GCSAML: variants seen among roughly 807,000 people sequenced by gnomAD.
GCSAML encodes the protein germinal center-associated signaling and motility-like protein.
A neutral mutation model predicts 13.0 loss-of-function variants in GCSAML; 9 were observed. The observed-to-expected ratio is 0.69, with a 90% confidence interval of 0.42 to 1.21. The LOEUF (loss-of-function observed/expected upper bound fraction) is 1.21. Among genes scored for constraint, GCSAML ranks in the 50% most tolerant of loss-of-function variants. The pLI is 0.00. For missense variants in GCSAML, 143 were observed against 153.4 expected, an observed-to-expected ratio of 0.93 and a Z score of 0.36; for synonymous variants, 37 against 52.9, an observed-to-expected ratio of 0.70 and a Z score of 1.31.
upstream of GCSAML, among the ~76,000 whole-genome samples, chr1:247,546,515 C>A (rs926337186): frequency 7.2e-5 from 11 of 151,980 alleles, no homozygotes; most frequent in Non-Finnish European, 1.3e-4. Context: ...CCCGCCACCA[C>A]GCCTGGCTCA....
chr1:247,535,595 C>A (rs182710009), intron 2 of GCSAML, among the ~76,000 whole-genome samples: 1 of 152,260 alleles, frequency 6.6e-6, no homozygotes, highest in East Asian at 1.9e-4. Context: ...TGATAACATG[C>A]AGAAAATGTG....
chr1:247,573,998 A>G (rs772704480), intron 4 of GCSAML, 145 bp from the exon 5 acceptor site: 8 of 793,334 alleles, frequency 1.0e-5, no homozygotes, highest in Non-Finnish European at 1.4e-5. Flanking sequence ...CTTGTCTATT[A>G]TTGGTGTACA....
At chr1:247,514,390 T>C (rs927294002) in intron 1 of GCSAML, among the ~76,000 whole-genome samples, 2 of 152,246 alleles carry the variant, frequency 1.3e-5, no homozygotes, top group South Asian at 2.1e-4. Context: ...TTTGGATGTA[T>C]AGATTGTGAA....
intron 2 of GCSAML, 57 bp from the exon 3 acceptor site, chr1:247,563,533 G>A: frequency 2.0e-6 from 2 of 1,009,204 alleles, no homozygotes; most frequent in Non-Finnish European, 3.0e-6. Flanking sequence ...TTTTTGAAAG[G>A]CATTTTCAGC....
In GCSAML at chr1:247,576,699, C is replaced by G. The variant is rs1163516993; in HGVS notation, c.*2317C>G. On this transcript the variant is annotated 3_prime_UTR_variant, in exon 5 of 5. Coordinates refer to ENST00000366488, the MANE Select transcript of GCSAML (RefSeq NM_145278.5). Reference sequence around the variant, plus strand: ...ATACACATTTTGCCTCTCTATTCAACGAATTCTTATGCCCTCTTGTGGTGA... The same window carrying G: ...ATACACATTTTGCCTCTCTATTCAAGGAATTCTTATGCCCTCTTGTGGTGA... 6.6e-6 allele frequency: 1 copy of G among 152,102 alleles called. No homozygotes were observed. The highest frequency in any genetic ancestry group is 1.5e-5 in the Non-Finnish European group (1 of 68,020). 9.4% of individuals were successfully genotyped at this position (152,102 alleles called of 1,614,324 possible).
upstream of GCSAML, among the ~76,000 whole-genome samples, chr1:247,545,701 C>T (rs1667544912): frequency 6.6e-6 from 1 of 152,098 alleles, no homozygotes; most frequent in Non-Finnish European, 1.5e-5. Flanking sequence ...CTATTCAGTA[C>T]CTTTGCCCAT....
intron 2 of GCSAML, among the ~76,000 whole-genome samples, chr1:247,534,455 C>T (rs945629582): frequency 6.6e-6 from 1 of 152,132 alleles, no homozygotes; most frequent in South Asian, 2.1e-4. Flanking sequence ...CTTGGAACTG[C>T]CAGAGTCATG....
At chr1:247,518,180 C>T (rs1016233115) in intron 1 of GCSAML, among the ~76,000 whole-genome samples, 4 of 152,220 alleles carry the variant, frequency 2.6e-5, no homozygotes, top group African/African-American at 9.6e-5. Context: ...CTGGCCTGGC[C>T]GCGCCGGCTC....
At chr1:247,511,570 G>C (rs1245128307) in intron 1 of GCSAML, among the ~76,000 whole-genome samples, 1 of 152,152 alleles carries the variant, frequency 6.6e-6, no homozygotes, top group Non-Finnish European at 1.5e-5. Context: ...GATGCTAGCT[G>C]GTTATTTTGC....
intron 2 of GCSAML, among the ~76,000 whole-genome samples, chr1:247,543,289 C>G (rs1667467007): frequency 1.3e-5 from 2 of 152,200 alleles, no homozygotes; most frequent in African/African-American, 2.4e-5. Context: ...CCCCCCTTAT[C>G]AGTTACCCAC....
intron 1 of GCSAML, among the ~76,000 whole-genome samples, chr1:247,517,836 T>G (rs1666265742): frequency 6.6e-6 from 1 of 152,098 alleles, no homozygotes; most frequent in South Asian, 2.1e-4. Flanking sequence ...TGTGAACCTC[T>G]CTAAATAGGC....
At chr1:247,511,637 C>G (rs1666041346) in intron 1 of GCSAML, among the ~76,000 whole-genome samples, 1 of 152,176 alleles carries the variant, frequency 6.6e-6, no homozygotes, top group African/African-American at 2.4e-5. Flanking sequence ...ATTTCATATG[C>G]TTTTGCAGAG....
chr1:247,547,041 G>T (rs1667610012), upstream of GCSAML, among the ~76,000 whole-genome samples: 2 of 152,002 alleles, frequency 1.3e-5, no homozygotes, highest in Non-Finnish European at 2.9e-5. Flanking sequence ...GGTACAGGCT[G>T]CAGCTGAGCC....
At chr1:247,531,706 T>C in intron 2 of GCSAML, 16 of 1,614,140 alleles carry the variant, frequency 9.9e-6, no homozygotes, top group Non-Finnish European at 1.3e-5. Context: ...GCCCTGCTCA[T>C]GGGAGGTGCT....
chr1:247,521,372 C>CCTCTCA (rs1172809625), intron 1 of GCSAML, among the ~76,000 whole-genome samples: 9 of 151,264 alleles, frequency 5.9e-5, no homozygotes, highest in African/African-American at 2.2e-4. Flanking sequence ...CCACGGTCTC[C>CCTCTCA]CTCTCCCTCT....
At position 247,563,582 on chromosome 1, in the gene GCSAML, C is replaced by T; in HGVS notation, c.90-8C>T. The T allele has an allele frequency of 6.4e-7, 1 of 1,561,552 alleles. No individual in the cohort carries two copies. Among genetic ancestry groups the T allele is most frequent in the Non-Finnish European group, 8.8e-7 (1 of 1,134,662 alleles). ...GAGTATCTCATGTTACTATCTCTTT[C>T]CTTGTAGGCAGGAAATGACTACATT... is the stretch of plus-strand genomic sequence containing the variant. On this transcript the variant is annotated splice_polypyrimidine_tract_variant and splice_region_variant and intron_variant, in intron 2 of 4. Transcript: ENST00000366488.
chr1:247,548,740 A>G (rs1667662473), upstream of GCSAML, among the ~76,000 whole-genome samples: 1 of 152,242 alleles, frequency 6.6e-6, no homozygotes. The surrounding 1 kb of genome is among the most constrained non-coding windows in gnomAD (Gnocchi z 5.3). Context: ...ATCCAGATTA[A>G]TCACTTTTAT....
At chr1:247,563,313 G>A (rs895586926) in intron 2 of GCSAML, among the ~76,000 whole-genome samples, 2 of 152,082 alleles carry the variant, frequency 1.3e-5, no homozygotes, top group African/African-American at 4.8e-5. Flanking sequence ...TATATTATAT[G>A]TATGTTTTCC....
chr1:247,543,505 A>T (rs1240281452), intron 2 of GCSAML, among the ~76,000 whole-genome samples: 5 of 152,174 alleles, frequency 3.3e-5, no homozygotes, highest in African/African-American at 1.2e-4. Flanking sequence ...CATCCACTGA[A>T]CTGGGAGGGT....
Sources: allele counts gnomAD v4.1 joint callset (sites outside exome capture counted in the v4.1 genomes callset), GRCh38; gene constraint gnomAD v4.1.1; non-coding constraint Gnocchi (gnomAD v3.1); transcripts MANE v1.5; gene names NCBI Gene and HGNC (gene_info 2026-07-23, HGNC 2026-07-21).